Variants in DUOX1 observed in about 807,000 individuals in gnomAD.
DUOX1 encodes the protein dual oxidase 1.
DUOX1 carries 134 observed loss-of-function variants against 181.8 expected under a neutral mutation model. The observed-to-expected ratio is 0.74, with a 90% CI of 0.64 to 0.85. The LOEUF (loss-of-function observed/expected upper bound fraction) is 0.85. Among genes scored for constraint, DUOX1 ranks in the 40% least tolerant of loss-of-function variants. The probability of loss-of-function intolerance (pLI) is 0.00; values close to 1 mark genes in which losing one functional copy is unlikely to be tolerated. For missense variants in DUOX1, 1,814 were observed against 2,064.4 expected (o/e 0.88, Z 2.35); for synonymous variants, 798 against 832.5 (o/e 0.96, Z 0.71).
chr15:45,156,759 A>G (rs1370250200), intron 28 of DUOX1, among the ~76,000 whole-genome samples: 1 of 151,912 alleles, frequency 6.6e-6, no homozygotes, highest in African/African-American at 2.4e-5. Context: ...GACTCTACCT[A>G]TCCCCTTTCC....
chr15:45,151,845 G>T, intron 23 of DUOX1, 29 bp from the exon 24 acceptor site: 1 of 1,594,302 alleles, frequency 6.3e-7, no homozygotes, highest in Non-Finnish European at 8.6e-7. Flanking sequence ...CATGGTGGGT[G>T]CCAAAGGCTA....
chr15:45,144,553 C>T lies in DUOX1; in HGVS notation c.2136+318C>T, dbSNP rs149554699. ...AAGAAGCAAAGCCCTCTTCCCTGTCCTCTTATCTCAGGATGTAGTGAATTT... is the reference window on the plus strand; with the variant it reads ...AAGAAGCAAAGCCCTCTTCCCTGTCTTCTTATCTCAGGATGTAGTGAATTT... On this transcript the variant is annotated intron_variant, in intron 17 of 33. Coordinates refer to ENST00000389037, the MANE Select transcript of DUOX1 (RefSeq NM_175940.3). 1.2e-3 allele frequency among the ~76,000 whole-genome samples: 184 copies of T among 152,360 alleles called. 1 individual carries two copies. Among genetic ancestry groups the T allele is most frequent in the African/African-American group, 4.0e-3 (168 of 41,582 alleles).
At position 45,152,450 on chromosome 15, in the gene DUOX1, T is replaced by C. The variant is rs1393277919; in HGVS notation, c.3358T>C (p.Tyr1120His). Residue 1120 changes from tyrosine (Y) to histidine (H), a missense_variant, in exon 25 of 34, where the codon TAC (tyrosine) becomes CAC (histidine). By Grantham distance (83) the Tyr-to-His change is moderately conservative (BLOSUM62 2). Transcript: ENST00000389037. ...CCTGCGAGAAACCTTCCTCAACCGC[T>C]ACGTGCCCTTCGACGCCGCCGTGGA... is the stretch of plus-strand genomic sequence containing the variant. ...TFLRETFLNRYVPFDAAVDFH... is the reference protein window; with the variant it reads ...TFLRETFLNRHVPFDAAVDFH... The C allele has an allele frequency of 3.1e-6, 5 of 1,614,050 alleles. No individual in the cohort carries two copies. The African/African-American group carries it at 6.7e-5, about 22-fold the overall frequency.
In DUOX1 at chr15:45,164,796, G is replaced by A. The variant is rs772237066; in HGVS notation, c.4551G>A (p.Val1517=). The A allele has an allele frequency of 2.5e-6, 4 of 1,614,186 alleles. No individual in the cohort carries two copies. The highest frequency in any genetic ancestry group is 3.4e-6 in the Non-Finnish European group (4 of 1,180,026). ...TGCAACAGGTCCGGAAGATCGGGGT[G>A]TTTAGCTGTGGCCCCCCTGGCATGA... is the stretch of plus-strand genomic sequence containing the variant. The part of the protein sequence containing the change: ...EVHPQVRKIG[V]FSCGPPGMTK... Residue 1517 remains valine, a synonymous_variant, in exon 34 of 34, where the codon GTG becomes GTA. Transcript: ENST00000389037.
At position 45,139,607 on chromosome 15, in the gene DUOX1, G is replaced by A. The variant is rs142271080; in HGVS notation, c.1389+8G>A. ...TCCCGGAGCAATGACACTGTGAGGA[G>A]GGGTCAGGACCCAGAGGGTAGGGCG... On this transcript the variant is annotated splice_region_variant and intron_variant, in intron 12 of 33. Transcript: ENST00000389037. 4.7e-4 allele frequency: 734 copies of A among 1,570,620 alleles called. 6 individuals are homozygous for A. In the African/African-American group the frequency reaches 9.1e-3, roughly 20 times the overall value.
Position 45,148,293 on chromosome 15 carries a change from C to T in DUOX1, c.2664C>T (p.Asn888=). The change falls in exon 21 of 34, where the codon AAC becomes AAT. Residue 888 remains asparagine (N), a synonymous_variant. Coordinates refer to ENST00000389037, the MANE Select transcript of DUOX1 (RefSeq NM_175940.3). ...CCAGATCCTTCATCGAGATCTCCAA[C>T]AACTGCCTGTCCAAGGCCCAGCTGG... ...RMLRSFIEIS[N]NCLSKAQLAE... 1 of 1,614,248 alleles carries T rather than the reference C, an allele frequency of 6.2e-7. No individual in the cohort carries two copies. Among genetic ancestry groups the T allele is most frequent in the Non-Finnish European group, 8.5e-7 (1 of 1,180,060 alleles).
chr15:45,158,742 G>A (rs1268072984), intron 28 of DUOX1, among the ~76,000 whole-genome samples: 3 of 136,778 alleles, frequency 2.2e-5, no homozygotes, highest in Non-Finnish European at 4.6e-5. Flanking sequence ...AGCTATCTGT[G>A]TATCTGTGGA....
At chr15:45,130,895 T>C (rs530428370) in intron 1 of DUOX1, among the ~76,000 whole-genome samples, 3 of 152,322 alleles carry the variant, frequency 2.0e-5, no homozygotes, top group Admixed American at 1.3e-4. Context: ...GCTTTACAGC[T>C]TCAACCATCC....
chr15:45,153,556 G>A, intron 26 of DUOX1, 77 bp downstream of exon 26: 1 of 1,292,042 alleles, frequency 7.7e-7, no homozygotes, highest in Non-Finnish European at 1.1e-6. Context: ...GTATAATGGG[G>A]AGGATTCCTT....
chr15:45,131,852 C>G, intron 1 of DUOX1, 66 bp from the exon 2 acceptor site: 1 of 1,135,920 alleles, frequency 8.8e-7, no homozygotes. Flanking sequence ...TTCACAGAGG[C>G]CTGCAGAGTC....
intron 9 of DUOX1, among the ~76,000 whole-genome samples, chr15:45,137,291 C>T (rs7164816): frequency 0.052 from 6,657 of 127,342 alleles, 522 homozygotes; most frequent in East Asian, 0.4. Flanking sequence ...ACCCAGAAGG[C>T]GGAGGTTGCG....
chr15:45,137,418 T>TG (rs938854345), intron 9 of DUOX1, among the ~76,000 whole-genome samples: 1 of 149,598 alleles, frequency 6.7e-6, no homozygotes, highest in Admixed American at 6.6e-5. Flanking sequence ...TGTATGTATA[T>TG]GTATATGAAA....
chr15:45,145,678 G>C (rs1342527103), intron 18 of DUOX1, among the ~76,000 whole-genome samples: 1 of 152,174 alleles, frequency 6.6e-6, no homozygotes, highest in African/African-American at 2.4e-5. Flanking sequence ...CACTTTGGGA[G>C]GCGGGGCAGG....
At chr15:45,138,078 A>T in intron 10 of DUOX1, 64 bp downstream of exon 10, 2 of 547,326 alleles carry the variant, frequency 3.7e-6, no homozygotes, top group Admixed American at 3.6e-5. Flanking sequence ...GTGTGTGTGT[A>T]TGTGTGTGTG....
Position 45,160,857 on chromosome 15 carries a change from T to C in DUOX1, c.3723T>C (p.Phe1241=). ...TCTAGCTCATCATCCATGGTAGCTTTGCCCTGATCCAGCTGCCCCGTTTCC... is the reference window on the plus strand; with the variant it reads ...TCTAGCTCATCATCCATGGTAGCTTCGCCCTGATCCAGCTGCCCCGTTTCC... ...LYVLLIIHGS[F]ALIQLPRFHI... is the part of the protein sequence containing the mutation. Residue 1241 remains phenylalanine, a synonymous_variant, in exon 29 of 34, where the codon TTT becomes TTC. Transcript: ENST00000389037. 6.2e-7 allele frequency: 1 copy of C among 1,610,340 alleles called. No individual in the cohort carries two copies. The highest frequency in any genetic ancestry group is 1.1e-5 in the South Asian group (1 of 90,406).
intron 1 of DUOX1, among the ~76,000 whole-genome samples, chr15:45,130,559 C>G (rs534348732): frequency 3.9e-5 from 6 of 152,238 alleles, no homozygotes; most frequent in Admixed American, 3.9e-4. Flanking sequence ...CCTGTGTTCT[C>G]TCTCTGGTTC....
At position 45,136,514 on chromosome 15, in the gene DUOX1, C is replaced by T. The variant is rs72724253; in HGVS notation, c.926-15C>T. 0.1 allele frequency: 168,191 copies of T among 1,613,920 alleles called. 9,601 individuals carry two copies. The highest frequency in any genetic ancestry group is 0.14 in the Middle Eastern group (828 of 6,058). ...GGGCTAAATTCTTCTGTCCTCTCTT[C>T]TCCTATTTCCCCAGGATACCGGCCA... On this transcript the variant is annotated splice_polypyrimidine_tract_variant and intron_variant, in intron 8 of 33. Transcript: ENST00000389037.
rs755066550 is a variant in DUOX1, at chr15:45,152,337, G to T, written c.3245G>T (p.Gly1082Val). 6.2e-7 allele frequency: 1 copy of T among 1,614,190 alleles called. No homozygotes were observed. The highest frequency in any genetic ancestry group is 8.5e-7 in the Non-Finnish European group (1 of 1,180,030). Residue 1082 changes from glycine (G) to valine (V), a missense_variant, in exon 25 of 34, where the codon GGA becomes GTA. By Grantham distance (109) the Gly-to-Val change is moderately radical. Around this residue, in one of 5 missense-constraint regions of DUOX1, gnomAD observed 1,064 missense variants for 1,152.9 expected, o/e 0.92. Transcript: ENST00000389037. ...HTGITDTTRV[G>V]IILSRGTAAS... Reference sequence around the variant, plus strand: ...GGCATCACAGACACCACCCGCGTGGGAATCATCCTGTCGCGGGGCACAGCA... The same window carrying T: ...GGCATCACAGACACCACCCGCGTGGTAATCATCCTGTCGCGGGGCACAGCA...
chr15:45,133,971 A>G, intron 3 of DUOX1, 24 bp downstream of exon 3: 1 of 1,611,406 alleles, frequency 6.2e-7, no homozygotes, highest in Non-Finnish European at 8.5e-7. Context: ...AAGTGGGGAT[A>G]GAACCCCAGG....
Sources: gnomAD v4.1 joint callset for allele counts (sites outside exome capture counted in the v4.1 genomes callset) on GRCh38, gnomAD v4.1.1 for gene constraint, gnomAD v4.1.1 regional missense constraint, MANE v1.5 for transcripts, NCBI Gene and HGNC (gene_info 2026-07-23, HGNC 2026-07-21) for gene names.